TRIM33: variants seen among roughly 807,000 people sequenced by gnomAD.
The protein encoded by TRIM33 is tripartite motif containing 33.
TRIM33 carries 20 observed loss-of-function variants against 125.4 expected under a neutral mutation model. That is an observed-to-expected ratio of 0.16 (90% CI 0.11 to 0.23). The LOEUF (loss-of-function observed/expected upper bound fraction) is 0.23. TRIM33 is among the 10% of genes least tolerant of loss of function. The pLI is 1.00. For synonymous variants in TRIM33, 564 were observed against 513.9 expected, an observed-to-expected ratio of 1.10 and a Z score of -1.32; for missense variants, 920 against 1,411.4, an observed-to-expected ratio of 0.65 and a Z score of 5.58.
intron 18 of TRIM33, 136 bp downstream of exon 18, chr1:114,399,321 T>C (rs1444939158): frequency 1.5e-6 from 1 of 674,316 alleles, no homozygotes; most frequent in Non-Finnish European, 2.4e-6. Flanking sequence ...GAGCTGTTAA[T>C]ACAATCAGAT....
Position 114,394,192 on chromosome 1 carries a change from C to T in TRIM33, c.*3456G>A, listed in dbSNP as rs1309886812. ...ATTTTTTATAAAACTACTCACTGAT[C>T]CGATGCTGAGTATGCAAATAAGCAG... On this transcript the variant is annotated 3_prime_UTR_variant, in exon 20 of 20. Coordinates refer to ENST00000358465, the MANE Select transcript of TRIM33 (RefSeq NM_015906.4). 2 of 229,058 alleles carry T rather than the reference C, an allele frequency of 8.7e-6. No homozygotes were observed. Among genetic ancestry groups the T allele is most frequent in the African/African-American group, 4.4e-5 (2 of 45,062 alleles). 14.2% of individuals were successfully genotyped at this position (229,058 alleles called of 1,614,324 possible). A position where few individuals can be genotyped will look rare whatever the true frequency, so the allele number is the denominator to read the frequency against.
intron 1 of TRIM33, among the ~76,000 whole-genome samples, chr1:114,499,691 C>G (rs1652593361): frequency 6.6e-6 from 1 of 152,140 alleles, no homozygotes; most frequent in African/African-American, 2.4e-5. Context: ...TCCCTAAAAC[C>G]AGTCTGGCAG....
At chr1:114,433,257 T>C (rs1431467718) in intron 5 of TRIM33, among the ~76,000 whole-genome samples, 3 of 152,202 alleles carry the variant, frequency 2.0e-5, no homozygotes, top group Non-Finnish European at 2.9e-5. Flanking sequence ...GTTTTACAAA[T>C]GGGGAAATAA....
chr1:114,482,418 G>C (rs1023239749), intron 1 of TRIM33, among the ~76,000 whole-genome samples: 1 of 152,148 alleles, frequency 6.6e-6, no homozygotes, highest in African/African-American at 2.4e-5. Context: ...CTCAAAGCTG[G>C]TTCTTTGAAA....
chr1:114,509,757 C>G (rs1199084882), intron 1 of TRIM33, among the ~76,000 whole-genome samples: 4 of 152,172 alleles, frequency 2.6e-5, no homozygotes, highest in Non-Finnish European at 4.4e-5. Context: ...TGAGGACTCA[C>G]CTCCACTGCT....
At chr1:114,449,485 A>G (rs535580453) in intron 4 of TRIM33, among the ~76,000 whole-genome samples, 14 of 152,268 alleles carry the variant, frequency 9.2e-5, no homozygotes, top group Admixed American at 7.8e-4. Context: ...AAAATGTAAC[A>G]ATATTAGTCT....
At position 114,443,462 on chromosome 1, in the gene TRIM33, C is replaced by T. The variant is rs1572061133; in HGVS notation, c.924-9729G>A. Among the ~76,000 whole-genome samples the T allele has an allele frequency of 2.0e-5, 3 of 152,244 alleles. 1 individual carries two copies. In the South Asian group the frequency reaches 6.2e-4, roughly 32 times the overall value. ...ATGTTGCCCAGGCTTGTCTCCAACTCCTGGACTCAAGCGATCCACCAGCCT... is the reference window on the plus strand; with the variant it reads ...ATGTTGCCCAGGCTTGTCTCCAACTTCTGGACTCAAGCGATCCACCAGCCT... On this transcript the variant is annotated intron_variant, in intron 4 of 19. Transcript: ENST00000358465.
intron 4 of TRIM33, among the ~76,000 whole-genome samples, chr1:114,457,934 A>G (rs1337081129): frequency 6.6e-6 from 1 of 152,224 alleles, no homozygotes; most frequent in Non-Finnish European, 1.5e-5. Flanking sequence ...CAATGAAGAA[A>G]GACACTGGTA....
intron 6 of TRIM33, 65 bp downstream of exon 6, chr1:114,430,732 TA>T (rs1241876774): frequency 1.1e-6 from 1 of 876,798 alleles, no homozygotes; most frequent in African/African-American, 1.7e-5. Flanking sequence ...TAGTTTTCAA[TA>T]AACATTAAAA....
chr1:114,440,369 A>G (rs1648578836), intron 4 of TRIM33, among the ~76,000 whole-genome samples: 1 of 152,110 alleles, frequency 6.6e-6, no homozygotes, highest in Admixed American at 6.6e-5. Flanking sequence ...AAAATTGCAT[A>G]ATTTTTCAAG....
chr1:114,414,603 G>GTA (rs1652812012), intron 11 of TRIM33, among the ~76,000 whole-genome samples: 1 of 152,058 alleles, frequency 6.6e-6, no homozygotes, highest in Admixed American at 6.6e-5. Flanking sequence ...GGTTCTCCTG[G>GTA]TATATACTCA....
intron 4 of TRIM33, among the ~76,000 whole-genome samples, chr1:114,438,465 C>T (rs1057357167): frequency 2.0e-5 from 3 of 152,206 alleles, no homozygotes; most frequent in African/African-American, 7.2e-5. Flanking sequence ...CCTTAGACTA[C>T]TGTGAAGAAA....
At chr1:114,484,454 T>C (rs187280611) in intron 1 of TRIM33, among the ~76,000 whole-genome samples, 1 of 152,276 alleles carries the variant, frequency 6.6e-6, no homozygotes, top group Non-Finnish European at 1.5e-5. Context: ...AGGCTGGGCA[T>C]GGTGGCTCAC....
intron 4 of TRIM33, among the ~76,000 whole-genome samples, chr1:114,455,962 C>T (rs180777589): frequency 4.6e-5 from 7 of 152,308 alleles, no homozygotes; most frequent in Admixed American, 3.9e-4. Flanking sequence ...CTTACTAAAA[C>T]TCCTTGACAG....
Position 114,463,142 on chromosome 1 carries a change from T to G in TRIM33, c.885A>C (p.Thr295=). 1 of 1,612,566 alleles carries G rather than the reference T, an allele frequency of 6.2e-7. No homozygotes were observed. Among genetic ancestry groups the G allele is most frequent in the Non-Finnish European group, 8.5e-7 (1 of 1,179,566 alleles). ...KLFCETCDRL[T]CRDCQLLEHK... ...GTTCCAATAGCTGACAGTCTCTACA[T>G]GTCAATCTATCACATGTTTCACAGA... Residue 295 remains threonine (T), a synonymous_variant, in exon 4 of 20, where the codon ACA becomes ACC. Transcript: ENST00000358465.
chr1:114,434,433 T>C (rs1266929948), intron 4 of TRIM33, among the ~76,000 whole-genome samples: 1 of 152,234 alleles, frequency 6.6e-6, no homozygotes, highest in Non-Finnish European at 1.5e-5. Context: ...CCATGTACTG[T>C]CAAACTTTCC....
intron 1 of TRIM33, among the ~76,000 whole-genome samples, chr1:114,502,698 A>T (rs1371154787): frequency 6.6e-6 from 1 of 152,052 alleles, no homozygotes; most frequent in Non-Finnish European, 1.5e-5. Flanking sequence ...CTGGAGTCGG[A>T]GTCTCACTAT....
chr1:114,397,820 A>G lies in TRIM33; in HGVS notation c.3212T>C (p.Leu1071Ser). Reference protein sequence around the residue: ...EVAQAGKAVALYFEDKLTEIY... With the variant: ...EVAQAGKAVASYFEDKLTEIY... ...CTCTGTGAGTTTATCTTCAAAGTAC[A>G]ATGCAACTGCTTTCCCTGCCTGAGC... The change falls in exon 20 of 20, where the codon TTG becomes TCG. Residue 1071 changes from leucine (L) to serine (S), a missense_variant. Around this residue, in one of 8 missense-constraint regions of TRIM33, gnomAD observed 122 missense variants for 236.8 expected, o/e 0.52. Transcript: ENST00000358465. 1.2e-6 allele frequency: 2 copies of G among 1,613,426 alleles called. No individual in the cohort carries two copies. Among genetic ancestry groups the G allele is most frequent in the Non-Finnish European group, 1.7e-6 (2 of 1,179,846 alleles).
At chr1:114,398,720 TTTAGTA>T (rs1288796805) in intron 18 of TRIM33, among the ~76,000 whole-genome samples, 1 of 151,478 alleles carries the variant, frequency 6.6e-6, no homozygotes, top group Non-Finnish European at 1.5e-5. Flanking sequence ...ATAAAGAGAC[TTTAGTA>T]TTAATCTTTT....
Sources: gnomAD v4.1 joint callset for allele counts (sites outside exome capture counted in the v4.1 genomes callset) on GRCh38, gnomAD v4.1.1 for gene constraint, gnomAD v4.1.1 regional missense constraint, MANE v1.5 for transcripts, NCBI Gene and HGNC (gene_info 2026-07-23, HGNC 2026-07-21) for gene names.